The following TTC34 variants were observed in gnomAD, a reference collection of about 807,000 sequenced individuals.
The protein encoded by TTC34 is tetratricopeptide repeat protein 34.
A neutral mutation model predicts 40.7 loss-of-function variants in TTC34; 44 were observed. The observed-to-expected ratio is 1.08, with a 90% confidence interval of 0.85 to 1.39. TTC34 has a LOEUF of 1.39. TTC34 is among the 40% of genes most tolerant of loss of function. The probability of loss-of-function intolerance (pLI) is 0.00; values close to 1 mark genes in which losing one functional copy is unlikely to be tolerated. For missense variants in TTC34, 884 were observed against 838.0 expected (o/e 1.05, Z -0.68); for synonymous variants, 422 against 398.6 (o/e 1.06, Z -0.70).
At chr1:2,797,561 C>T (rs1643720337) in intron 2 of TTC34, among the ~76,000 whole-genome samples, 1 of 152,170 alleles carries the variant, frequency 6.6e-6, no homozygotes, top group South Asian at 2.1e-4. Context: ...GTGTAAAGCA[C>T]TCAGTAGGTG....
intron 6 of TTC34, among the ~76,000 whole-genome samples, chr1:2,682,076 A>G (rs1570801100): frequency 8.1e-6 from 1 of 123,650 alleles, no homozygotes; most frequent in Non-Finnish European, 1.7e-5. Flanking sequence ...CCCACAGGTG[A>G]GCATCTGACA....
At chr1:2,775,941 T>A (rs71632381) in intron 6 of TTC34, 2 of 85,964 alleles carry the variant, frequency 2.3e-5, no homozygotes, top group African/African-American at 1.4e-4. Context: ...ACATGGGGGT[T>A]AAGGGTGGTG....
chr1:2,752,718 G>C (rs1438443690), intron 6 of TTC34, among the ~76,000 whole-genome samples: 8 of 134,478 alleles, frequency 5.9e-5, no homozygotes, highest in Non-Finnish European at 1.3e-4. Flanking sequence ...TGACAGCATG[G>C]AACAGCACCC....
intron 1 of TTC34, among the ~76,000 whole-genome samples, chr1:2,801,217 C>A (rs1367707219): frequency 6.6e-6 from 1 of 152,086 alleles, no homozygotes; most frequent in African/African-American, 2.4e-5. Flanking sequence ...CAATAGGAAC[C>A]CCGGACCCAC....
chr1:2,673,392 A>T (rs1162124204), intron 6 of TTC34, among the ~76,000 whole-genome samples: 1 of 73,336 alleles, frequency 1.4e-5, no homozygotes, highest in Admixed American at 1.3e-4. Flanking sequence ...GTCGGCACCC[A>T]CACCCCCAGG....
chr1:2,641,587 C>T lies in TTC34; in HGVS notation c.3021G>A (p.Ala1007=), dbSNP rs563744214. 1.5e-3 allele frequency: 2,342 copies of T among 1,533,008 alleles called. 2 individuals carry two copies. The highest frequency in any genetic ancestry group is 2.0e-3 in the Non-Finnish European group (2,259 of 1,145,396). The allele number at this position is 1,533,008 out of a possible 1,614,324, so 95.0% of individuals were successfully genotyped here. ...ACAGGCTGTTCTGGGCCAAGGAGGGCGCCAGCTTCAGGGCCTGGGCAAAGG... is the reference window on the plus strand; with the variant it reads ...ACAGGCTGTTCTGGGCCAAGGAGGGTGCCAGCTTCAGGGCCTGGGCAAAGG... Residue 1007 remains alanine, a synonymous_variant, in exon 9 of 9, where the codon GCG becomes GCA. Transcript: ENST00000401095.
intron 6 of TTC34, among the ~76,000 whole-genome samples, chr1:2,651,952 A>C (rs949019286): frequency 1.3e-5 from 2 of 152,092 alleles, no homozygotes; most frequent in African/African-American, 4.8e-5. Flanking sequence ...AGCCTGAAGC[A>C]GCACCTTCCA....
At chr1:2,751,111 G>C (rs1229781003) in intron 6 of TTC34, among the ~76,000 whole-genome samples, 1 of 28,168 alleles carries the variant, frequency 3.6e-5, no homozygotes, top group Non-Finnish European at 6.2e-5. Context: ...CTGACAGCCT[G>C]GAACAGCACC....
At chr1:2,757,616 G>C in intron 6 of TTC34, among the ~76,000 whole-genome samples, 1 of 146,326 alleles carries the variant, frequency 6.8e-6, no homozygotes, top group Non-Finnish European at 1.5e-5. Context: ...CGCCAGCCTG[G>C]AACAGCACCC....
chr1:2,645,487 G>C lies in TTC34; in HGVS notation c.2303C>G (p.Pro768Arg), dbSNP rs768127990. 1.1e-4 allele frequency: 161 copies of C among 1,530,914 alleles called. 6 individuals carry two copies. In the South Asian group the frequency reaches 1.9e-3, roughly 18 times the overall value. 94.8% of individuals were successfully genotyped at this position (1,530,914 alleles called of 1,614,324 possible). A position where few individuals can be genotyped will look rare whatever the true frequency, so the allele number is the denominator to read the frequency against. Residue 768 changes from proline (P) to arginine (R), a missense_variant, in exon 7 of 9, where the codon CCG (proline) becomes CGG (arginine). Transcript: ENST00000401095. The surrounding 1 kb of genome is among the most constrained non-coding windows in gnomAD (Gnocchi z 4.7). ...CTGTGTGATGAGGGCCTGGGCTTCC[G>C]GCTTCAGAGAGCGGAGCTCAGGGAC...
intron 6 of TTC34, among the ~76,000 whole-genome samples, chr1:2,685,175 G>C (rs1640271777): frequency 1.4e-5 from 2 of 141,512 alleles, no homozygotes; most frequent in Non-Finnish European, 3.0e-5. Flanking sequence ...GTGAGCATCT[G>C]ACTGCCTGGA....
rs1641658908 is a variant in TTC34, at chr1:2,760,488, C to A, written c.2226+23121G>T. ...CAGCCTGGAACACCACCCACATCCG[C>A]AGGTGAGCATCTGACAGCCTGGAGC... is the stretch of plus-strand genomic sequence containing the variant. On this transcript the variant is annotated intron_variant, in intron 6 of 8. Coordinates refer to ENST00000401095, the Ensembl canonical transcript of TTC34. Among the ~76,000 whole-genome samples, 2 of 52,482 alleles carry A rather than the reference C, an allele frequency of 3.8e-5. 1 individual carries two copies. Among genetic ancestry groups the A allele is most frequent in the South Asian group, 1.6e-3 (2 of 1,218 alleles). The allele number at this position is 52,482 out of a possible 152,430, so 34.4% of individuals were successfully genotyped here.
At chr1:2,750,818 C>A (rs1641295034) in intron 6 of TTC34, among the ~76,000 whole-genome samples, 1 of 134,280 alleles carries the variant, frequency 7.4e-6, no homozygotes, top group Admixed American at 7.5e-5. Flanking sequence ...CCCAGGCGAG[C>A]ATCTGACAGC....
chr1:2,692,456 ACCC>A (rs1471133919), intron 6 of TTC34, among the ~76,000 whole-genome samples: 1 of 130,840 alleles, frequency 7.6e-6, no homozygotes. Flanking sequence ...CTGGAGCAGC[ACCC>A]ACACCCCCAG....
Position 2,787,555 on chromosome 1 carries a change from G to C in TTC34, c.1780C>G (p.Pro594Ala). The change falls in exon 4 of 9, where the codon CCC (proline) becomes GCC (alanine). Residue 594 changes from proline to alanine, a missense_variant. Physicochemically the swap from Pro to Ala is conservative, Grantham distance 27. Coordinates refer to ENST00000401095, the Ensembl canonical transcript of TTC34. ...CGTGCCAGCACAGGGGCTGCCTGGGGCCTCCGGGATAGGGCCACCAGCAGG... is the reference window on the plus strand; with the variant it reads ...CGTGCCAGCACAGGGGCTGCCTGGGCCCTCCGGGATAGGGCCACCAGCAGG... 1.3e-6 allele frequency: 2 copies of C among 1,543,122 alleles called. No individual in the cohort carries two copies. The highest frequency in any genetic ancestry group is 1.8e-6 in the Non-Finnish European group (2 of 1,141,660).
rs1343718612 is a variant in TTC34 at position 2,691,138 on chromosome 1, C to A, written c.2227-45575G>T. Among the ~76,000 whole-genome samples, 2 of 67,854 alleles carry A rather than the reference C, an allele frequency of 2.9e-5. 1 individual carries two copies. The highest frequency in any genetic ancestry group is 9.9e-5 in the African/African-American group (2 of 20,102). 44.5% of individuals were successfully genotyped at this position (67,854 alleles called of 152,430 possible). A position where few individuals can be genotyped will look rare whatever the true frequency, so the allele number is the denominator to read the frequency against. On this transcript the variant is annotated intron_variant, in intron 6 of 8. Transcript: ENST00000401095. ...ATCTGACAGCCTGGAACAGAACCCACACCGCCAGGGGAGTATCTGACAGAC... is the reference window on the plus strand; with the variant it reads ...ATCTGACAGCCTGGAACAGAACCCAAACCGCCAGGGGAGTATCTGACAGAC...
chr1:2,698,286 C>T (rs572905584), intron 6 of TTC34, among the ~76,000 whole-genome samples: 1 of 73,522 alleles, frequency 1.4e-5, no homozygotes, highest in South Asian at 4.3e-4. Context: ...GAACCCTGCA[C>T]CCCCGGTGCG....
rs1478487857 is a variant in TTC34 at position 2,796,890 on chromosome 1, G to A, written c.784+3154C>T. Among the ~76,000 whole-genome samples the A allele has an allele frequency of 6.6e-6, 1 of 152,040 alleles. No individual in the cohort carries two copies. The highest frequency in any genetic ancestry group is 6.6e-5 in the Admixed American group (1 of 15,266). On this transcript the variant is annotated intron_variant, in intron 2 of 8. Transcript: ENST00000401095. The surrounding 1 kb of genome is among the most constrained non-coding windows in gnomAD (Gnocchi z 4.5). Reference sequence around the variant, plus strand: ...GGTTCCTGCCCCACCCTCTCGTTGGGGTCACCAAGAACCTCGGCACCACAC... The same window carrying A: ...GGTTCCTGCCCCACCCTCTCGTTGGAGTCACCAAGAACCTCGGCACCACAC...
chr1:2,794,353 A>G (rs557841359), intron 2 of TTC34, among the ~76,000 whole-genome samples: 1 of 152,330 alleles, frequency 6.6e-6, no homozygotes, highest in African/African-American at 2.4e-5. Flanking sequence ...TACTTTTTCC[A>G]TAAAGTCATG....
Sources: gnomAD v4.1 joint callset for allele counts (sites outside exome capture counted in the v4.1 genomes callset) on GRCh38, gnomAD v4.1.1 for gene constraint, Gnocchi (gnomAD v3.1) non-coding constraint, MANE v1.5 for transcripts, NCBI Gene and HGNC (gene_info 2026-07-23, HGNC 2026-07-21) for gene names.